KCTD10: variants seen among roughly 807,000 people sequenced by gnomAD.
KCTD10 encodes the protein potassium channel tetramerization domain containing 10.
A neutral mutation model predicts 34.6 loss-of-function variants in KCTD10; 13 were observed. That is an observed-to-expected ratio of 0.38 (90% CI 0.24 to 0.60). The LOEUF (loss-of-function observed/expected upper bound fraction) is 0.60. Among genes scored for constraint, KCTD10 ranks in the 20% least tolerant of loss-of-function variants. The pLI, the probability that KCTD10 is intolerant of heterozygous loss-of-function variation, is 0.66. For missense variants in KCTD10, 256 were observed against 420.3 expected, an observed-to-expected ratio of 0.61 and a Z score of 3.42; for synonymous variants, 156 against 168.8, an observed-to-expected ratio of 0.92 and a Z score of 0.59.
At chr12:109,470,674 G>A (rs1019545858) in intron 1 of KCTD10, 14 of 853,162 alleles carry the variant, frequency 1.6e-5, no homozygotes, top group Non-Finnish European at 2.0e-5. Flanking sequence ...ATCACCCTCA[G>A]ACAAGGCCAC....
At position 109,451,728 on chromosome 12, in the gene KCTD10, G is replaced by A; in HGVS notation, c.809C>T (p.Ala270Val). The change falls in exon 7 of 7, where the codon GCG becomes GTG. Residue 270 changes from alanine (A) to valine (V), a missense_variant. Ala to Val is a moderately conservative substitution (Grantham distance 64, BLOSUM62 0). This residue lies in a region of KCTD10 where 60 missense variants were observed against 89.0 expected (regional missense o/e 0.67). Transcript: ENST00000228495. This position sits in a 1 kb window ranked among gnomAD's most constrained non-coding sequence, Gnocchi z 5.0. ...EAQDGRGPDN[A>V]LLEATGGAAG... ...CGCCCCGCCTGTGGCCTCCAGGAGC[G>A]CATTGTCAGGTCCCCGGCCATCCTG... The A allele has an allele frequency of 6.2e-7, 1 of 1,614,136 alleles. No homozygotes were observed. The highest frequency in any genetic ancestry group is 8.5e-7 in the Non-Finnish European group (1 of 1,179,996).
intron 1 of KCTD10, chr12:109,470,888 A>G (rs1229460078): frequency 2.4e-5 from 4 of 166,200 alleles, no homozygotes; most frequent in Non-Finnish European, 4.9e-5. Flanking sequence ...ACTGAGACCC[A>G]ATCACAGAAT....
intron 3 of KCTD10, chr12:109,459,489 C>A (rs1212239795): frequency 6.6e-6 from 1 of 152,238 alleles, no homozygotes; most frequent in East Asian, 1.9e-4. Flanking sequence ...ATGAGGCAAT[C>A]CCTAACTCTG....
At chr12:109,469,478 G>A (rs370963521) in intron 2 of KCTD10, 37 bp downstream of exon 2, 10 of 1,606,602 alleles carry the variant, frequency 6.2e-6, no homozygotes, top group South Asian at 4.4e-5. Flanking sequence ...ACCACATAAC[G>A]CATGGCCAGA....
In KCTD10 at chr12:109,457,594, A is replaced by G. The variant is rs748249164; in HGVS notation, c.527+36T>C. 8.7e-6 allele frequency: 14 copies of G among 1,602,060 alleles called. No homozygotes were observed. The Admixed American group carries it at 2.3e-4, about 27-fold the overall frequency. ...GGCTGGTGTGAGTGGAGGTTTTCCT[A>G]GTAAATGGAGCTGTCTTTCCCGGCT... On this transcript the variant is annotated intron_variant, in intron 5 of 6. Coordinates refer to ENST00000228495, the MANE Select transcript of KCTD10 (RefSeq NM_031954.5).
At chr12:109,452,089 C>A (rs1375444086) in intron 6 of KCTD10, among the ~76,000 whole-genome samples, 1 of 152,226 alleles carries the variant, frequency 6.6e-6, no homozygotes, top group Non-Finnish European at 1.5e-5. Flanking sequence ...CTCAAAGATT[C>A]TGTGCATGTA....
At chr12:109,457,106 A>G (rs564510798) in intron 5 of KCTD10, 7 of 155,814 alleles carry the variant, frequency 4.5e-5, no homozygotes, top group Non-Finnish European at 9.9e-5. Flanking sequence ...ATGCTACAAC[A>G]TGGATAAACC....
chr12:109,470,389 G>C (rs1873826499), intron 1 of KCTD10: 1 of 985,376 alleles, frequency 1.0e-6, no homozygotes, highest in African/African-American at 1.7e-5. Context: ...GACTAGTGCT[G>C]CCCAAAAGAG....
intron 1 of KCTD10, chr12:109,469,931 G>T: frequency 7.9e-7 from 1 of 1,264,966 alleles, no homozygotes; most frequent in African/African-American, 1.5e-5. Flanking sequence ...GGCCAACTGG[G>T]CTAGCAGGGG....
At chr12:109,453,975 G>A (rs1290769837) in intron 6 of KCTD10, among the ~76,000 whole-genome samples, 2 of 152,212 alleles carry the variant, frequency 1.3e-5, no homozygotes, top group Admixed American at 6.5e-5. Context: ...AACTGTCACC[G>A]CAACTACAAA....
intron 6 of KCTD10, among the ~76,000 whole-genome samples, chr12:109,455,017 A>G (rs992431268): frequency 3.9e-5 from 6 of 151,956 alleles, no homozygotes; most frequent in African/African-American, 1.2e-4. Context: ...TGGGGGTCTA[A>G]TTACAGGAAG....
chr12:109,469,420 T>A, intron 2 of KCTD10, 95 bp downstream of exon 2: 2 of 1,455,890 alleles, frequency 1.4e-6, no homozygotes, highest in Non-Finnish European at 9.4e-7. Context: ...CTCCTACACA[T>A]CTTCAGGTCT....
At chr12:109,454,794 A>C (rs1002005555) in intron 6 of KCTD10, among the ~76,000 whole-genome samples, 4 of 152,218 alleles carry the variant, frequency 2.6e-5, no homozygotes, top group African/African-American at 9.6e-5. Context: ...CTAGCTTTAC[A>C]AACACAAGAA....
chr12:109,457,325 T>C (rs1345364140), intron 5 of KCTD10: 7 of 266,470 alleles, frequency 2.6e-5, no homozygotes, highest in Non-Finnish European at 5.0e-5. Flanking sequence ...ATAGAGGGTT[T>C]CTTTTCAGGC....
rs775000920 is a variant in KCTD10 at position 109,477,280 on chromosome 12, A to C, written c.-18T>G. 5.0e-6 allele frequency: 8 copies of C among 1,613,934 alleles called. No individual in the cohort carries two copies. In the Admixed American group the frequency reaches 6.7e-5, roughly 13 times the overall value. On this transcript the variant is annotated 5_prime_UTR_variant, in exon 1 of 7. Coordinates refer to ENST00000228495, the MANE Select transcript of KCTD10 (RefSeq NM_031954.5). ...CCTACCATGAAAAGTCGGAGGACGC[A>C]GGAGTCTCCAAACCCGGACTGAGAG...
Position 109,450,722 on chromosome 12 carries a change from A to G in KCTD10, c.*873T>C. Reference sequence around the variant, plus strand: ...CCCAGGGAGGGGTAGTTTATGAGCTATGCCTGTCACAGGGTCAGATGGCCT... The same window carrying G: ...CCCAGGGAGGGGTAGTTTATGAGCTGTGCCTGTCACAGGGTCAGATGGCCT... On this transcript the variant is annotated 3_prime_UTR_variant, in exon 7 of 7. Coordinates refer to ENST00000228495, the MANE Select transcript of KCTD10 (RefSeq NM_031954.5). The G allele has an allele frequency of 5.1e-6, 1 of 195,484 alleles. No homozygotes were observed. Among genetic ancestry groups the G allele is most frequent in the Non-Finnish European group, 1.0e-5 (1 of 96,594 alleles). 12.1% of individuals were successfully genotyped at this position (195,484 alleles called of 1,614,324 possible).
chr12:109,456,458 C>T (rs1265988648), intron 5 of KCTD10, 145 bp from the exon 6 acceptor site: 2 of 696,330 alleles, frequency 2.9e-6, no homozygotes, highest in Non-Finnish European at 5.1e-6. Flanking sequence ...CAAAGGCACT[C>T]CAATCTCCAT....
chr12:109,463,010 C>A (rs1050246741), intron 2 of KCTD10, among the ~76,000 whole-genome samples: 2 of 152,094 alleles, frequency 1.3e-5, no homozygotes, highest in Admixed American at 6.5e-5. Flanking sequence ...GCATTTTCCA[C>A]AAATAAAACA....
At position 109,468,095 on chromosome 12, in the gene KCTD10, G is replaced by A. The variant is rs79480551; in HGVS notation, c.217+1420C>T. ...ATTTCCACAGATACTCTCGGGCCATGTGGGGTGTGGCACAGCAAAGAGGAT... is the reference window on the plus strand; with the variant it reads ...ATTTCCACAGATACTCTCGGGCCATATGGGGTGTGGCACAGCAAAGAGGAT... On this transcript the variant is annotated intron_variant, in intron 2 of 6. Transcript: ENST00000228495. Among the ~76,000 whole-genome samples the A allele has an allele frequency of 3.6e-3, 543 of 152,314 alleles. 3 individuals are homozygous for A. Among genetic ancestry groups the A allele is most frequent in the Middle Eastern group, 0.01 (3 of 294 alleles).
Sources: allele counts gnomAD v4.1 joint callset (sites outside exome capture counted in the v4.1 genomes callset), GRCh38; gene constraint gnomAD v4.1.1; regional missense constraint gnomAD v4.1.1; non-coding constraint Gnocchi (gnomAD v3.1); transcripts MANE v1.5; gene names NCBI Gene and HGNC (gene_info 2026-07-23, HGNC 2026-07-21).